The following RAB6B variants were observed in gnomAD, a reference collection of about 807,000 sequenced individuals.
RAB6B encodes RAB6B, member RAS oncogene family.
A neutral mutation model predicts 31.2 loss-of-function variants in RAB6B; 7 were observed. The observed-to-expected ratio is 0.22, with a 90% CI of 0.13 to 0.42. The LOEUF is 0.42. Ranked by LOEUF, RAB6B falls within the 10% of genes least tolerant of loss-of-function variation. The pLI, the probability that RAB6B is intolerant of heterozygous loss-of-function variation, is 1.00. For synonymous variants in RAB6B, 105 were observed against 104.9 expected, an observed-to-expected ratio of 1.00 and a Z score of -0.01; for missense variants, 149 against 280.6, an observed-to-expected ratio of 0.53 and a Z score of 3.35.
At position 133,895,491 on chromosome 3, in the gene RAB6B, AG is replaced by A. The variant is rs1936696485; in HGVS notation, c.-26del. ...TGGTGCTGGCAGCCGGGGCCGGGAG[AG>A]GAGGAGGAGGAAAAAGCGAAGGAGC... On this transcript the variant is annotated 5_prime_UTR_variant, in exon 1 of 8. Transcript: ENST00000285208. 6.3e-7 allele frequency: 1 copy of A among 1,597,884 alleles called. No homozygotes were observed. Among genetic ancestry groups the A allele is most frequent in the South Asian group, 1.1e-5 (1 of 89,436 alleles).
At chr3:133,831,760 T>A (rs1366664254) in intron 7 of RAB6B, among the ~76,000 whole-genome samples, 1 of 152,194 alleles carries the variant, frequency 6.6e-6, no homozygotes, top group Non-Finnish European at 1.5e-5. Context: ...ACCCGCCTCT[T>A]CCCTCTGGGT....
intron 1 of RAB6B, among the ~76,000 whole-genome samples, chr3:133,871,430 A>G (rs1214170148): frequency 6.6e-6 from 1 of 152,242 alleles, no homozygotes; most frequent in African/African-American, 2.4e-5. Flanking sequence ...ATGAAACGAC[A>G]GTCATGTGAG....
At chr3:133,843,605 T>G (rs1935867706) in intron 2 of RAB6B, among the ~76,000 whole-genome samples, 1 of 152,238 alleles carries the variant, frequency 6.6e-6, no homozygotes, top group African/African-American at 2.4e-5. Context: ...GACTGCTGGT[T>G]GTCCCCAGTA....
At chr3:133,866,611 G>A (rs1936240063) in intron 1 of RAB6B, among the ~76,000 whole-genome samples, 1 of 152,188 alleles carries the variant, frequency 6.6e-6, no homozygotes, top group Admixed American at 6.5e-5. Flanking sequence ...ATAGAAACGA[G>A]GCTATAAAGA....
intron 1 of RAB6B, among the ~76,000 whole-genome samples, chr3:133,888,193 T>C (rs1475902907): frequency 6.6e-6 from 1 of 152,202 alleles, no homozygotes. Flanking sequence ...GTGACCTGGG[T>C]CTGAATTCTA....
chr3:133,876,205 G>C (rs1041970186), intron 1 of RAB6B, among the ~76,000 whole-genome samples: 1 of 152,156 alleles, frequency 6.6e-6, no homozygotes, highest in Non-Finnish European at 1.5e-5. Context: ...AGATTCAACT[G>C]ACATGAATCT....
At position 133,824,525 on chromosome 3, in the gene RAB6B, T is replaced by A. The variant is rs1054589168; in HGVS notation, c.*4263A>T. On this transcript the variant is annotated 3_prime_UTR_variant, in exon 8 of 8. Transcript: ENST00000285208. ...AACCCCTGCTGCAAGGATTTCCTGATGAAACCACACACTGCTGGGAGTGCC... is the reference window on the plus strand; with the variant it reads ...AACCCCTGCTGCAAGGATTTCCTGAAGAAACCACACACTGCTGGGAGTGCC... The A allele has an allele frequency of 1.3e-4, 20 of 152,318 alleles. No individual in the cohort carries two copies. The highest frequency in any genetic ancestry group is 4.8e-4 in the African/African-American group (20 of 41,564). The allele number at this position is 152,318 out of a possible 1,614,324, so 9.4% of individuals were successfully genotyped here. A position where few individuals can be genotyped will look rare whatever the true frequency, so the allele number is the denominator to read the frequency against.
At chr3:133,844,000 A>G (rs1313732014) in intron 2 of RAB6B, among the ~76,000 whole-genome samples, 1 of 152,258 alleles carries the variant, frequency 6.6e-6, no homozygotes, top group East Asian at 1.9e-4. Context: ...ATTAACAAGC[A>G]AAGAACCATG....
chr3:133,827,119 GC>G lies in RAB6B; in HGVS notation c.*1668del, dbSNP rs1296622238. On this transcript the variant is annotated 3_prime_UTR_variant, in exon 8 of 8. Coordinates refer to ENST00000285208, the MANE Select transcript of RAB6B (RefSeq NM_016577.4). ...CAGCCTCCTAGGCAGAGGGTGTGTG[GC>G]AGGCCCACTGCACAAATATCAGTCC... 1 of 152,532 alleles carries G rather than the reference GC, an allele frequency of 6.6e-6. No individual in the cohort carries two copies. The highest frequency in any genetic ancestry group is 1.5e-5 in the Non-Finnish European group (1 of 68,048). 9.4% of individuals were successfully genotyped at this position (152,532 alleles called of 1,614,324 possible).
At chr3:133,838,283 A>G in intron 5 of RAB6B, 24 bp from the exon 6 acceptor site, 1 of 1,602,260 alleles carries the variant, frequency 6.2e-7, no homozygotes, top group East Asian at 2.2e-5. Flanking sequence ...GAAGGGGGGA[A>G]ATCAGCTCAG....
At chr3:133,850,818 AT>A (rs1935973825) in intron 2 of RAB6B, among the ~76,000 whole-genome samples, 1 of 152,282 alleles carries the variant, frequency 6.6e-6, no homozygotes, top group East Asian at 1.9e-4. Context: ...CAAGCATTAC[AT>A]TAAAAAAATA....
chr3:133,895,638 G>T lies in RAB6B; in HGVS notation c.-172C>A. The T allele has an allele frequency of 3.2e-6, 2 of 629,670 alleles. 1 individual carries two copies. The highest frequency in any genetic ancestry group is 3.9e-5 in the South Asian group (2 of 50,756). 39.0% of individuals were successfully genotyped at this position (629,670 alleles called of 1,614,324 possible). ...CGTCCCGGTCCCGGCCTGCGGCTGC[G>T]TGTCCGGCGGCGGAGGAGGAGGAGG... On this transcript the variant is annotated 5_prime_UTR_variant, in exon 1 of 8. Transcript: ENST00000285208.
At chr3:133,839,365 T>C in intron 5 of RAB6B, 141 bp downstream of exon 5, 1 of 696,076 alleles carries the variant, frequency 1.4e-6, no homozygotes, top group Non-Finnish European at 2.5e-6. Context: ...TCCTCAAAGC[T>C]CCTAGTGTCT....
chr3:133,889,632 T>C lies in RAB6B; in HGVS notation c.70+5765A>G, dbSNP rs369146824. On this transcript the variant is annotated intron_variant, in intron 1 of 7. Transcript: ENST00000285208. ...GTACTTCTTAGTAGAGACAGGATTT[T>C]GCCACGTTGGCCAGGCTGGTCTCGA... Among the ~76,000 whole-genome samples the C allele has an allele frequency of 3.0e-4, 45 of 151,818 alleles. 1 individual carries two copies. The highest frequency in any genetic ancestry group is 1.0e-3 in the African/African-American group (42 of 41,418).
chr3:133,885,179 G>A (rs1212934663), intron 1 of RAB6B, among the ~76,000 whole-genome samples: 2 of 150,518 alleles, frequency 1.3e-5, no homozygotes, highest in East Asian at 4.0e-4. Context: ...ATGATCAGAG[G>A]ACAAGGGGCT....
chr3:133,876,797 A>G (rs772904454), intron 1 of RAB6B, among the ~76,000 whole-genome samples: 3 of 152,232 alleles, frequency 2.0e-5, no homozygotes, highest in Non-Finnish European at 2.9e-5. Flanking sequence ...ACATATTTAT[A>G]CAATCAACTG....
intron 2 of RAB6B, among the ~76,000 whole-genome samples, chr3:133,843,555 G>T (rs1935867219): frequency 6.6e-6 from 1 of 152,220 alleles, no homozygotes; most frequent in Admixed American, 6.5e-5. Flanking sequence ...AGTCACCTTT[G>T]AACTAAAACC....
At chr3:133,828,912 C>T in intron 7 of RAB6B, 60 bp from the exon 8 acceptor site, 1 of 1,442,140 alleles carries the variant, frequency 6.9e-7, no homozygotes, top group Non-Finnish European at 9.5e-7. Context: ...CCCACTTAGC[C>T]CTGTGCACTG....
Position 133,895,516 on chromosome 3 carries a change from G to C in RAB6B, c.-50C>G. ...AGGAGGAGGAGGAAAAAGCGAAGGA[G>C]CAGGGAGGGGAGAGTAGGAGGGCGA... is the stretch of plus-strand genomic sequence containing the variant. On this transcript the variant is annotated 5_prime_UTR_variant, in exon 1 of 8. Coordinates refer to ENST00000285208, the MANE Select transcript of RAB6B (RefSeq NM_016577.4). 2 of 1,588,078 alleles carry C rather than the reference G, an allele frequency of 1.3e-6. No individual in the cohort carries two copies. Among genetic ancestry groups the C allele is most frequent in the Non-Finnish European group, 1.7e-6 (2 of 1,158,958 alleles).
Sources: gnomAD v4.1 joint callset for allele counts (sites outside exome capture counted in the v4.1 genomes callset) on GRCh38, gnomAD v4.1.1 for gene constraint, MANE v1.5 for transcripts, NCBI Gene and HGNC (gene_info 2026-07-23, HGNC 2026-07-21) for gene names.